Variants in ADAMTS2 observed in about 807,000 individuals in gnomAD.
ADAMTS2 encodes the protein ADAM metallopeptidase with thrombospondin type 1 motif 2.
ADAMTS2 carries 50 observed loss-of-function variants against 123.0 expected under a neutral mutation model. The ratio of observed to expected loss-of-function variants is 0.41; its 90% CI spans 0.32 to 0.51. ADAMTS2 has a LOEUF of 0.51. ADAMTS2 is among the 20% of genes least tolerant of loss of function. The pLI, the probability that ADAMTS2 is intolerant of heterozygous loss-of-function variation, is 0.35. For synonymous variants in ADAMTS2, 678 were observed against 695.4 expected (o/e 0.98, Z 0.39); for missense variants, 1,494 against 1,705.2 (o/e 0.88, Z 2.18).
Position 179,235,010 on chromosome 5 carries a change from G to C in ADAMTS2, c.689-27295C>G, listed in dbSNP as rs115327276. ...GCAACGCCCTTACAGCCATGGGTCC[G>C]AGAAAACACTGCTCACTCTGCCCAG... On this transcript the variant is annotated intron_variant, in intron 3 of 21. Transcript: ENST00000251582. 8.8e-3 allele frequency among the ~76,000 whole-genome samples: 1,338 copies of C among 152,288 alleles called. 6 individuals are homozygous for C. The highest frequency in any genetic ancestry group is 0.015 in the Non-Finnish European group (999 of 68,028).
Position 179,130,034 on chromosome 5 carries a change from G to A in ADAMTS2, c.2355C>T (p.Ser785=), listed in dbSNP as rs771411876. ...LNEENDVDAS[S]KTFIAMGVEW... ...CCACGCCCATGGCAATGAAGGTTTT[G>A]GAACTGGCATCCACGTCATTCTCTT... The change falls in exon 16 of 22, where the codon TCC becomes TCT. Residue 785 remains serine (S), a synonymous_variant. Transcript: ENST00000251582. The surrounding 1 kb of genome is among the most constrained non-coding windows in gnomAD (Gnocchi z 4.3). 46 of 1,614,162 alleles carry A rather than the reference G, an allele frequency of 2.8e-5. No homozygotes were observed. Among genetic ancestry groups the A allele is most frequent in the Non-Finnish European group, 3.8e-5 (45 of 1,180,030 alleles).
chr5:179,154,107 C>T lies in ADAMTS2; in HGVS notation c.1324G>A (p.Ala442Thr), dbSNP rs755359190. ...GSIMAPLVQA[A>T]FHRFHWSRCS... The stretch of plus-strand genomic sequence containing the variant: ...CGGGACCAGTGGAAGCGGTGGAAGG[C>T]GGCCTGCACCAGGGGCGCCATGATG... Residue 442 changes from alanine to threonine, a missense_variant, in exon 8 of 22, where the codon GCC becomes ACC. Physicochemically the swap from Ala to Thr is moderately conservative, Grantham distance 58 (BLOSUM62 0). Transcript: ENST00000251582. The T allele has an allele frequency of 1.1e-5, 18 of 1,600,328 alleles. No homozygotes were observed. The highest frequency in any genetic ancestry group is 2.2e-5 in the East Asian group (1 of 44,618).
chr5:179,328,279 G>A (rs1241311293), intron 2 of ADAMTS2, among the ~76,000 whole-genome samples: 4 of 152,338 alleles, frequency 2.6e-5, no homozygotes, highest in Non-Finnish European at 5.9e-5. Flanking sequence ...TGATCCACCC[G>A]CCTCGGCCTC....
rs1764017619 is a variant in ADAMTS2 at position 179,180,321 on chromosome 5, TG to T, written c.975+750del. Among the ~76,000 whole-genome samples the T allele has an allele frequency of 6.6e-6, 1 of 152,034 alleles. No homozygotes were observed. The highest frequency in any genetic ancestry group is 2.1e-4 in the South Asian group (1 of 4,828). On this transcript the variant is annotated intron_variant, in intron 5 of 21. Coordinates refer to ENST00000251582, the MANE Select transcript of ADAMTS2 (RefSeq NM_014244.5). This position sits in a 1 kb window ranked among gnomAD's most constrained non-coding sequence, Gnocchi z 4.6. ...TCCCAGGTTTGGCTGCAAGAGGAAG[TG>T]GGACGGGCAAGAGAGCCCAGCTGGG...
chr5:179,304,907 A>T (rs429129), intron 2 of ADAMTS2, among the ~76,000 whole-genome samples: 1 of 152,280 alleles, frequency 6.6e-6, no homozygotes, highest in African/African-American at 2.4e-5. Flanking sequence ...TTATAAACAC[A>T]CTCTGAAAAC....
At chr5:179,305,584 T>G (rs751727992) in intron 2 of ADAMTS2, among the ~76,000 whole-genome samples, 2 of 151,512 alleles carry the variant, frequency 1.3e-5, no homozygotes, top group Admixed American at 6.6e-5. Context: ...CATGCTCAAA[T>G]AGAAAAAGCA....
rs1762682097 is a variant in ADAMTS2, at chr5:179,117,509, G to T, written c.3179-3185C>A. The stretch of plus-strand genomic sequence containing the variant: ...GTGTGCCAAGTCCCTCCCTCCACCT[G>T]GTTTTGTAAATAAAGTTTTATTGGA... On this transcript the variant is annotated intron_variant, in intron 21 of 21. Transcript: ENST00000251582. The surrounding 1 kb of genome is among the most constrained non-coding windows in gnomAD (Gnocchi z 4.2). 6.6e-6 allele frequency among the ~76,000 whole-genome samples: 1 copy of T among 151,966 alleles called. No homozygotes were observed. The highest frequency in any genetic ancestry group is 2.1e-4 in the South Asian group (1 of 4,820).
rs575425397 is a variant in ADAMTS2, at chr5:179,129,612, C to T, written c.2457+320G>A. ...TGAGCGTCACCTCCCAGAGTGTCAC[C>T]GATTCCAATGTAACAGCACACTCGA... On this transcript the variant is annotated intron_variant, in intron 16 of 21. Coordinates refer to ENST00000251582, the MANE Select transcript of ADAMTS2 (RefSeq NM_014244.5). This position sits in a 1 kb window ranked among gnomAD's most constrained non-coding sequence, Gnocchi z 4.1. Among the ~76,000 whole-genome samples the T allele has an allele frequency of 6.6e-6, 1 of 152,244 alleles. No individual in the cohort carries two copies. The highest frequency in any genetic ancestry group is 2.4e-5 in the African/African-American group (1 of 41,554).
rs774090432 is a variant in ADAMTS2, at chr5:179,115,540, G to A, written c.3179-1216C>T. ...TCAGACCTTTCCCACACAAACCCCC[G>A]ACGTGCCCTCCTTTTCCCTCACTCT... On this transcript the variant is annotated intron_variant, in intron 21 of 21. Transcript: ENST00000251582. This position sits in a 1 kb window ranked among gnomAD's most constrained non-coding sequence, Gnocchi z 4.4. 2.0e-5 allele frequency among the ~76,000 whole-genome samples: 3 copies of A among 151,806 alleles called. No homozygotes were observed. Among genetic ancestry groups the A allele is most frequent in the African/African-American group, 4.8e-5 (2 of 41,288 alleles).
At position 179,170,755 on chromosome 5, in the gene ADAMTS2, C is replaced by T. The variant is rs548616933; in HGVS notation, c.975+10317G>A. On this transcript the variant is annotated intron_variant, in intron 5 of 21. Transcript: ENST00000251582. This position sits in a 1 kb window ranked among gnomAD's most constrained non-coding sequence, Gnocchi z 4.3. ...GCTCACCACTCTGTCGCTGTCTTGT[C>T]TGCTGCTACTGCCTGGACACAGGGC... is the stretch of plus-strand genomic sequence containing the variant. 1.8e-4 allele frequency among the ~76,000 whole-genome samples: 27 copies of T among 152,314 alleles called. No homozygotes were observed. Among genetic ancestry groups the T allele is most frequent in the African/African-American group, 6.5e-4 (27 of 41,574 alleles).
intron 3 of ADAMTS2, among the ~76,000 whole-genome samples, chr5:179,245,770 AAAAAAAAAAAAAAAAAAAAAAAAAAC>A (rs1409471748): frequency 1.0e-5 from 1 of 99,560 alleles, no homozygotes; most frequent in Non-Finnish European, 2.3e-5. Flanking sequence ...CGTCTCAAAA[AAAAAAAAAAAAAAAAAAAAAAAAAAC>A]AAAAAAAACA....
At chr5:179,182,920 C>A (rs182079991) in intron 4 of ADAMTS2, among the ~76,000 whole-genome samples, 1 of 152,198 alleles carries the variant, frequency 6.6e-6, no homozygotes, top group Admixed American at 6.5e-5. Context: ...CCGAGGAGGG[C>A]ACCCAGGTCC....
At chr5:179,344,221 C>T in intron 1 of ADAMTS2, 60 bp from the exon 2 acceptor site, 1 of 1,526,614 alleles carries the variant, frequency 6.6e-7, no homozygotes. Flanking sequence ...CCTCAGAGAC[C>T]CGCCGGCAAG....
rs1006572919 is a variant in ADAMTS2 at position 179,127,817 on chromosome 5, G to T, written c.2617+142C>A. ...CCCACCCACCGGCCCCTCCATTGCCGCTAAGCCCTTGCCCACCCAGGCAAA... is the reference window on the plus strand; with the variant it reads ...CCCACCCACCGGCCCCTCCATTGCCTCTAAGCCCTTGCCCACCCAGGCAAA... On this transcript the variant is annotated intron_variant, in intron 17 of 21. Coordinates refer to ENST00000251582, the MANE Select transcript of ADAMTS2 (RefSeq NM_014244.5). 61 of 946,364 alleles carry T rather than the reference G, an allele frequency of 6.4e-5. No homozygotes were observed. The African/African-American group carries it at 9.7e-4, about 15-fold the overall frequency. 58.6% of individuals were successfully genotyped at this position (946,364 alleles called of 1,614,324 possible). A position where few individuals can be genotyped will look rare whatever the true frequency, so the allele number is the denominator to read the frequency against.
chr5:179,252,420 T>C (rs1478507593), intron 3 of ADAMTS2, among the ~76,000 whole-genome samples: 1 of 152,244 alleles, frequency 6.6e-6, no homozygotes, highest in Non-Finnish European at 1.5e-5. Flanking sequence ...CTTTAATTTT[T>C]AGACCTTTTT....
intron 2 of ADAMTS2, among the ~76,000 whole-genome samples, chr5:179,291,467 C>T (rs1019751699): frequency 1.3e-5 from 2 of 152,200 alleles, no homozygotes; most frequent in South Asian, 2.1e-4. Flanking sequence ...CGACCCTTCC[C>T]GTGTCCTCTC....
chr5:179,122,773 A>G lies in ADAMTS2; in HGVS notation c.2959T>C (p.Cys987Arg), dbSNP rs773184209. Residue 987 changes from cysteine to arginine, a missense_variant and splice_region_variant, in exon 20 of 22, where the codon TGC becomes CGC. Physicochemically the swap from Cys to Arg is radical, Grantham distance 180 (BLOSUM62 -3). This residue lies in a region of ADAMTS2 where 953 missense variants were observed against 1,124.7 expected (regional missense o/e 0.85). Transcript: ENST00000251582. ...GRWRAGPWSQCSVTCGNGTQE... is the reference protein window; with the variant it reads ...GRWRAGPWSQRSVTCGNGTQE... ...GTGCCGTTGCCACAGGTTACTGAGCACTGCAGGGGGAGAGTCGCCAGGCAG... is the reference window on the plus strand; with the variant it reads ...GTGCCGTTGCCACAGGTTACTGAGCGCTGCAGGGGGAGAGTCGCCAGGCAG... 4 of 1,555,296 alleles carry G rather than the reference A, an allele frequency of 2.6e-6. No homozygotes were observed. Among genetic ancestry groups the G allele is most frequent in the Non-Finnish European group, 3.5e-6 (4 of 1,149,916 alleles).
chr5:179,216,205 T>C (rs466363), intron 3 of ADAMTS2, among the ~76,000 whole-genome samples: 34,896 of 151,860 alleles, frequency 0.23, 4,285 homozygotes, highest in Non-Finnish European at 0.28. Flanking sequence ...CTGCACCAGA[T>C]GTGGAGAGCG....
Position 179,125,182 on chromosome 5 carries a change from T to C in ADAMTS2, c.2751-2A>G. 3.7e-6 allele frequency: 6 copies of C among 1,612,126 alleles called. No individual in the cohort carries two copies. Among genetic ancestry groups the C allele is most frequent in the Non-Finnish European group, 5.1e-6 (6 of 1,179,804 alleles). ...GGCTCCCATTCGCCTGTGACCCACC[T>C]GCCAGGGCAGAGCGGGGCACAGTCA... On this transcript the variant is annotated splice_acceptor_variant, in intron 18 of 21. Coordinates refer to ENST00000251582, the MANE Select transcript of ADAMTS2 (RefSeq NM_014244.5). LOFTEE classifies it high-confidence loss of function.
Sources: allele counts gnomAD v4.1 joint callset (sites outside exome capture counted in the v4.1 genomes callset), GRCh38; gene constraint gnomAD v4.1.1; regional missense constraint gnomAD v4.1.1; non-coding constraint Gnocchi (gnomAD v3.1); transcripts MANE v1.5; gene names NCBI Gene and HGNC (gene_info 2026-07-23, HGNC 2026-07-21).